Variants in DEFB131A observed in about 807,000 individuals in gnomAD.
DEFB131A encodes the protein defensin beta 131A.
Under a neutral mutation model 2.4 loss-of-function variants are expected in DEFB131A, and 5 were observed. That is an observed-to-expected ratio of 2.12 (90% confidence interval 1.11 to 4.47). The LOEUF (loss-of-function observed/expected upper bound fraction) is 4.47, where lower values mean the gene tolerates loss of function less well. Among genes scored for constraint, DEFB131A ranks in the 30% most tolerant of loss-of-function variants. DEFB131A has a pLI of 0.00. For synonymous variants in DEFB131A, 34 were observed against 25.7 expected, an observed-to-expected ratio of 1.32 and a Z score of -0.97; for missense variants, 120 against 79.9, an observed-to-expected ratio of 1.50 and a Z score of -1.91.
At chr4:9,446,552 T>G (rs1376377655) in intron 1 of DEFB131A, among the ~76,000 whole-genome samples, 9 of 152,120 alleles carry the variant, frequency 5.9e-5, no homozygotes, top group Non-Finnish European at 1.2e-4. Context: ...ACTTTTTGTT[T>G]CATTAATTCT....
intron 1 of DEFB131A, among the ~76,000 whole-genome samples, chr4:9,446,741 T>G (rs190970801): frequency 3.3e-5 from 5 of 152,158 alleles, no homozygotes; most frequent in African/African-American, 1.2e-4. Flanking sequence ...AATTCTCTCT[T>G]AGCACTGTCT....
intron 1 of DEFB131A, among the ~76,000 whole-genome samples, chr4:9,445,981 G>A (rs1717483576): frequency 6.6e-6 from 1 of 152,030 alleles, no homozygotes; most frequent in African/African-American, 2.4e-5. Context: ...CATCCATGTT[G>A]TGGCATAGAT....
At chr4:9,449,451 G>A (rs1345095750) in intron 1 of DEFB131A, among the ~76,000 whole-genome samples, 4 of 148,446 alleles carry the variant, frequency 2.7e-5, no homozygotes, top group Admixed American at 6.9e-5. Context: ...GGGAAAAGAC[G>A]GTTTCTTCAA....
chr4:9,448,170 C>A (rs1483055698), intron 1 of DEFB131A, among the ~76,000 whole-genome samples: 10 of 144,342 alleles, frequency 6.9e-5, no homozygotes, highest in Non-Finnish European at 4.6e-5. Context: ...AAATCAAAGA[C>A]AAAAAAAAAA....
At chr4:9,444,766 T>C (rs1250705470) in intron 1 of DEFB131A, among the ~76,000 whole-genome samples, 175 bp downstream of exon 1, 2 of 152,040 alleles carry the variant, frequency 1.3e-5, no homozygotes, top group South Asian at 2.1e-4. Flanking sequence ...TTCACTGCAG[T>C]GATTTAACCT....
At chr4:9,444,933 A>C (rs974080985) in intron 1 of DEFB131A, among the ~76,000 whole-genome samples, 1 of 149,236 alleles carries the variant, frequency 6.7e-6, no homozygotes, top group Non-Finnish European at 1.5e-5. Flanking sequence ...AATACAAAAA[A>C]TTAATCAGGT....
intron 1 of DEFB131A, among the ~76,000 whole-genome samples, chr4:9,446,640 T>G (rs1717511757): frequency 6.6e-6 from 1 of 152,076 alleles, no homozygotes; most frequent in Non-Finnish European, 1.5e-5. Flanking sequence ...AGTTTGGATT[T>G]CATTTTTTCT....
In DEFB131A at chr4:9,450,483, T is replaced by A. The variant is rs973463244; in HGVS notation, c.182T>A (p.Ile61Asn). ...TTCAGCATCTGCTGCAAACTGAAGATCATTGAAATTGACGGACAAAAGAAG... is the reference window on the plus strand; with the variant it reads ...TTCAGCATCTGCTGCAAACTGAAGAACATTGAAATTGACGGACAAAAGAAG... ...ADFSICCKLK[I>N]IEIDGQKKW Residue 61 changes from isoleucine to asparagine, a missense_variant, in exon 2 of 2, where the codon ATC becomes AAC. Transcript: ENST00000334879. 1 of 1,610,446 alleles carries A rather than the reference T, an allele frequency of 6.2e-7. No individual in the cohort carries two copies. Among genetic ancestry groups the A allele is most frequent in the African/African-American group, 1.3e-5 (1 of 74,972 alleles).
chr4:9,445,347 ATGGAAAT>A (rs1717468319), intron 1 of DEFB131A, among the ~76,000 whole-genome samples: 2 of 152,098 alleles, frequency 1.3e-5, no homozygotes, highest in Admixed American at 1.3e-4. Context: ...TTTAATGTAT[ATGGAAAT>A]TACTTTTTGT....
rs1292337758 is a variant in DEFB131A at position 9,447,912 on chromosome 4, G to T, written c.59-2448G>T. 5.3e-5 allele frequency among the ~76,000 whole-genome samples: 8 copies of T among 151,618 alleles called. No homozygotes were observed. In the East Asian group the frequency reaches 1.6e-3, roughly 29 times the overall value. ...GCAACTTCCAAAACTTAAAAGCAAA[G>T]AAAAAAGAATTAAAAAGAACAGAAT... On this transcript the variant is annotated intron_variant, in intron 1 of 1. Transcript: ENST00000334879.
At chr4:9,448,841 C>T (rs1354533265) in intron 1 of DEFB131A, among the ~76,000 whole-genome samples, 1 of 152,078 alleles carries the variant, frequency 6.6e-6, no homozygotes, top group South Asian at 2.1e-4. Context: ...CTAGCAAGAA[C>T]AATTAGGCAA....
In DEFB131A at chr4:9,450,509, T is replaced by G. The variant is rs573143592; in HGVS notation, c.208T>G (p.Trp70Gly). Residue 70 changes from tryptophan (W) to glycine (G), a missense_variant, in exon 2 of 2, where the codon TGG becomes GGG. Physicochemically the swap from Trp to Gly is radical, Grantham distance 184. Coordinates refer to ENST00000334879, the MANE Select transcript of DEFB131A (RefSeq NM_001040448.3). Reference sequence around the variant, plus strand: ...CATTGAAATTGACGGACAAAAGAAGTGGTGAAAATTCTAACTCCATCTTCT... The same window carrying G: ...CATTGAAATTGACGGACAAAAGAAGGGGTGAAAATTCTAACTCCATCTTCT... ...KIIEIDGQKK[W>G] The G allele has an allele frequency of 1.4e-5, 22 of 1,608,600 alleles. No individual in the cohort carries two copies. The African/African-American group carries it at 2.9e-4, about 21-fold the overall frequency.
At chr4:9,445,521 G>C (rs914082712) in intron 1 of DEFB131A, among the ~76,000 whole-genome samples, 6 of 151,486 alleles carry the variant, frequency 4.0e-5, no homozygotes, top group Non-Finnish European at 8.8e-5. Flanking sequence ...GTTCATACCT[G>C]AGATTTAGAT....
intron 1 of DEFB131A, among the ~76,000 whole-genome samples, chr4:9,449,294 C>A (rs1455749993): frequency 8.5e-6 from 1 of 117,850 alleles, no homozygotes; most frequent in Non-Finnish European, 1.8e-5. Flanking sequence ...CAATCCCTAT[C>A]AAAATCCTAA....
intron 1 of DEFB131A, among the ~76,000 whole-genome samples, chr4:9,449,196 C>T (rs1000785214): frequency 2.0e-5 from 3 of 150,222 alleles, no homozygotes; most frequent in Admixed American, 6.7e-5. Context: ...AGACACAAAT[C>T]AGTGGAAAGA....
At chr4:9,449,509 T>C (rs1350040898) in intron 1 of DEFB131A, among the ~76,000 whole-genome samples, 2 of 150,516 alleles carry the variant, frequency 1.3e-5, no homozygotes, top group Non-Finnish European at 3.0e-5. Flanking sequence ...AGAATAAAAC[T>C]GGGCCTGTAT....
At chr4:9,444,840 T>G (rs1560127761) in intron 1 of DEFB131A, among the ~76,000 whole-genome samples, 1 of 151,536 alleles carries the variant, frequency 6.6e-6, no homozygotes, top group Non-Finnish European at 1.5e-5. Context: ...CTTGGGGAGT[T>G]TGAGGTGGGT....
rs750019137 is a variant in DEFB131A at position 9,450,409 on chromosome 4, C to A, written c.108C>A (p.Cys36Ter). Residue 36 changes from cysteine (C) to a stop codon, truncating the protein, a stop_gained, in exon 2 of 2, where the codon TGC becomes TGA. Transcript: ENST00000334879. LOFTEE classifies it low-confidence loss of function (END_TRUNC). ...NDECPSEYYH[C>*]RLKCNADEHA... is the part of the protein sequence containing the mutation. ...AATGTCCTTCAGAATATTATCATTG[C>A]AGACTGAAGTGCAATGCTGATGAAC... The A allele has an allele frequency of 6.2e-6, 10 of 1,605,042 alleles. No homozygotes were observed. The highest frequency in any genetic ancestry group is 5.3e-5 in the African/African-American group (4 of 74,850).
rs1315267972 is a variant in DEFB131A at position 9,444,603 on chromosome 4, A to T, written c.58+12A>T. On this transcript the variant is annotated intron_variant, in intron 1 of 1. Coordinates refer to ENST00000334879, the MANE Select transcript of DEFB131A (RefSeq NM_001040448.3). ...CACAGTTCCTCCAGGTAAGACAGAA[A>T]CTTTTTTATTCCAAAGTTCTAAAAA... 6.2e-7 allele frequency: 1 copy of T among 1,604,270 alleles called. No homozygotes were observed. The highest frequency in any genetic ancestry group is 1.1e-5 in the South Asian group (1 of 89,130).
Sources: gnomAD v4.1 joint callset for allele counts (sites outside exome capture counted in the v4.1 genomes callset) on GRCh38, gnomAD v4.1.1 for gene constraint, MANE v1.5 for transcripts, NCBI Gene and HGNC (gene_info 2026-07-23, HGNC 2026-07-21) for gene names.